The following GPC5 variants were observed in gnomAD, a reference collection of about 807,000 sequenced individuals.
GPC5 encodes glypican 5.
A neutral mutation model predicts 53.9 loss-of-function variants in GPC5; 47 were observed. The observed-to-expected ratio is 0.87, with a 90% confidence interval of 0.69 to 1.11. The LOEUF is 1.11. Among genes scored for constraint, GPC5 ranks in the 50% most tolerant of loss-of-function variants. The pLI is 0.00. For missense variants in GPC5, 748 were observed against 713.1 expected (o/e 1.05, Z -0.56); for synonymous variants, 286 against 263.3 (o/e 1.09, Z -0.84).
intron 7 of GPC5, among the ~76,000 whole-genome samples, chr13:92,190,880 C>T (rs960487457): frequency 9.2e-5 from 14 of 151,956 alleles, no homozygotes; most frequent in African/African-American, 3.4e-4. Context: ...CAATAATCAC[C>T]TTAAACCTGA....
intron 7 of GPC5, among the ~76,000 whole-genome samples, chr13:92,160,513 A>C (rs553023397): frequency 6.6e-6 from 1 of 152,180 alleles, no homozygotes; most frequent in Non-Finnish European, 1.5e-5. Context: ...AAAATTAGAT[A>C]AAGTAAGCCA....
intron 7 of GPC5, among the ~76,000 whole-genome samples, chr13:92,429,034 T>C (rs1437737058): frequency 6.6e-6 from 1 of 152,078 alleles, no homozygotes; most frequent in Non-Finnish European, 1.5e-5. Flanking sequence ...ATTAATTTCA[T>C]GCATTACAAC....
At chr13:92,816,984 A>C (rs1310611626) in intron 7 of GPC5, among the ~76,000 whole-genome samples, 1 of 151,772 alleles carries the variant, frequency 6.6e-6, no homozygotes, top group Non-Finnish European at 1.5e-5. Context: ...TCAGTTGCCC[A>C]CTCCCGGTCT....
At chr13:92,292,274 G>A (rs1294072330) in intron 7 of GPC5, among the ~76,000 whole-genome samples, 1 of 152,136 alleles carries the variant, frequency 6.6e-6, no homozygotes, top group East Asian at 1.9e-4. Flanking sequence ...GCTTCCCATA[G>A]CAATTGTACT....
chr13:91,829,325 A>C (rs995289775), intron 5 of GPC5, among the ~76,000 whole-genome samples: 1 of 152,110 alleles, frequency 6.6e-6, no homozygotes, highest in African/African-American at 2.4e-5. Flanking sequence ...CATATTAGAG[A>C]CTAAAGCAAT....
chr13:92,350,773 C>A (rs2043470566), intron 7 of GPC5, among the ~76,000 whole-genome samples: 1 of 152,092 alleles, frequency 6.6e-6, no homozygotes, highest in South Asian at 2.1e-4. Flanking sequence ...CATCACATGA[C>A]TTTTTACTCC....
At chr13:92,656,196 A>G (rs1809252461) in intron 7 of GPC5, among the ~76,000 whole-genome samples, 1 of 152,210 alleles carries the variant, frequency 6.6e-6, no homozygotes, top group South Asian at 2.1e-4. Flanking sequence ...AGTGGAAGGT[A>G]GTTTAGGCAG....
chr13:91,815,494 C>T (rs77830790), intron 5 of GPC5, among the ~76,000 whole-genome samples: 5,509 of 152,244 alleles, frequency 0.036, 137 homozygotes, highest in Middle Eastern at 0.061. Flanking sequence ...ATTGTATCCA[C>T]ACACAAAAAA....
intron 7 of GPC5, among the ~76,000 whole-genome samples, chr13:92,703,284 C>T (rs1887822014): frequency 6.6e-6 from 1 of 151,450 alleles, no homozygotes; most frequent in Non-Finnish European, 1.5e-5. Flanking sequence ...AGAATATGTA[C>T]ATGTGTCCCT....
chr13:92,336,301 C>T (rs2043322537), intron 7 of GPC5, among the ~76,000 whole-genome samples: 1 of 152,110 alleles, frequency 6.6e-6, no homozygotes, highest in Admixed American at 6.6e-5. Context: ...TTATAATTAT[C>T]AGGTAGCTGA....
chr13:91,847,035 C>G lies in GPC5; in HGVS notation c.1281-60902C>G, dbSNP rs566271093. Among the ~76,000 whole-genome samples the G allele has an allele frequency of 3.9e-3, 596 of 151,726 alleles. 7 individuals are homozygous for G. Among genetic ancestry groups the G allele is most frequent in the African/African-American group, 0.014 (568 of 41,366 alleles). Reference sequence around the variant, plus strand: ...GAGATCGAGACCATCCTGGCTAACACAGTGAAACCCCGTCTCTACTAAAAA... The same window carrying G: ...GAGATCGAGACCATCCTGGCTAACAGAGTGAAACCCCGTCTCTACTAAAAA... On this transcript the variant is annotated intron_variant, in intron 5 of 7. Coordinates refer to ENST00000377067, the MANE Select transcript of GPC5 (RefSeq NM_004466.6).
At chr13:91,866,396 A>G (rs2039085464) in intron 5 of GPC5, among the ~76,000 whole-genome samples, 1 of 152,174 alleles carries the variant, frequency 6.6e-6, no homozygotes, top group Non-Finnish European at 1.5e-5. Flanking sequence ...AGGTGGGCTT[A>G]GTAAAAGGTG....
At chr13:91,443,318 G>C (rs1259555218) in intron 1 of GPC5, among the ~76,000 whole-genome samples, 1 of 152,186 alleles carries the variant, frequency 6.6e-6, no homozygotes, top group Non-Finnish European at 1.5e-5. Flanking sequence ...AGGGACACCA[G>C]AAGTCTGCAT....
intron 7 of GPC5, among the ~76,000 whole-genome samples, chr13:92,465,476 G>C (rs1878653958): frequency 6.6e-6 from 1 of 151,908 alleles, no homozygotes; most frequent in Non-Finnish European, 1.5e-5. Flanking sequence ...GCGTTTATAG[G>C]CTATGCTACT....
At position 92,388,053 on chromosome 13, in the gene GPC5, A is replaced by T. The variant is rs112583945; in HGVS notation, c.1561+243064A>T. Among the ~76,000 whole-genome samples, 286 of 152,238 alleles carry T rather than the reference A, an allele frequency of 1.9e-3. 2 individuals are homozygous for T. The highest frequency in any genetic ancestry group is 6.3e-3 in the African/African-American group (263 of 41,550). Reference sequence around the variant, plus strand: ...TTAAATTATCATTAAAATTAAAATTAACCTTATTTATACTTTTCCTCTTAA... The same window carrying T: ...TTAAATTATCATTAAAATTAAAATTTACCTTATTTATACTTTTCCTCTTAA... On this transcript the variant is annotated intron_variant, in intron 7 of 7. Coordinates refer to ENST00000377067, the MANE Select transcript of GPC5 (RefSeq NM_004466.6).
chr13:92,699,782 G>A (rs1249197867), intron 7 of GPC5, among the ~76,000 whole-genome samples: 1 of 152,118 alleles, frequency 6.6e-6, no homozygotes, highest in Non-Finnish European at 1.5e-5. Flanking sequence ...ATTGCACTGT[G>A]GTCTGATAGA....
intron 7 of GPC5, among the ~76,000 whole-genome samples, chr13:92,409,332 T>TATTAA (rs1566578275): frequency 6.6e-6 from 1 of 151,800 alleles, no homozygotes; most frequent in South Asian, 2.1e-4. Context: ...TTTTAATAAA[T>TATTAA]ATAGTAGACG....
At chr13:92,486,704 C>T (rs2139440208) in intron 7 of GPC5, among the ~76,000 whole-genome samples, 1 of 152,198 alleles carries the variant, frequency 6.6e-6, no homozygotes, top group South Asian at 2.1e-4. Flanking sequence ...ATGAATCGTG[C>T]TCTACTGTCC....
At chr13:92,041,366 C>G (rs2040940231) in intron 6 of GPC5, among the ~76,000 whole-genome samples, 1 of 152,198 alleles carries the variant, frequency 6.6e-6, no homozygotes, top group Non-Finnish European at 1.5e-5. Context: ...GTCTAAACCA[C>G]ATCAGGAGTA....
Sources: allele counts gnomAD v4.1 joint callset (sites outside exome capture counted in the v4.1 genomes callset), GRCh38; gene constraint gnomAD v4.1.1; transcripts MANE v1.5; gene names NCBI Gene and HGNC (gene_info 2026-07-23, HGNC 2026-07-21).